XPO5: variants seen among roughly 807,000 people sequenced by gnomAD.
XPO5 encodes the protein exportin-5.
XPO5 carries 46 observed loss-of-function variants against 160.6 expected under a neutral mutation model. The observed-to-expected ratio is 0.29, with a 90% CI of 0.23 to 0.37. The LOEUF is 0.37. XPO5 is among the 10% of genes least tolerant of loss of function. The pLI, the probability that XPO5 is intolerant of heterozygous loss-of-function variation, is 1.00. For missense variants in XPO5, 1,090 were observed against 1,463.9 expected (o/e 0.74, Z 4.17); for synonymous variants, 537 against 519.3 (o/e 1.03, Z -0.46).
intron 20 of XPO5, among the ~76,000 whole-genome samples, chr6:43,545,112 AT>A (rs1794900073): frequency 6.6e-6 from 1 of 151,832 alleles, no homozygotes; most frequent in Admixed American, 6.6e-5. Context: ...ACCTCAAGTG[AT>A]TGACCCACCT....
intron 1 of XPO5, among the ~76,000 whole-genome samples, chr6:43,574,291 G>T (rs1040316574): frequency 3.3e-5 from 5 of 151,984 alleles, no homozygotes; most frequent in Admixed American, 3.3e-4. Context: ...CAACCAGAGT[G>T]AGACCCTACT....
chr6:43,529,103 T>C lies in XPO5; in HGVS notation c.2678-178A>G. The C allele has an allele frequency of 4.7e-6, 5 of 1,053,396 alleles. No homozygotes were observed. In the South Asian group the frequency reaches 7.1e-5, roughly 15 times the overall value. The allele number at this position is 1,053,396 out of a possible 1,614,324, so 65.3% of individuals were successfully genotyped here. A position where few individuals can be genotyped will look rare whatever the true frequency, so the allele number is the denominator to read the frequency against. ...TTCCTAAAATCCTAAATGGCACTGA[T>C]ATTGAATTCCATTATACTCTTAGTT... is the stretch of plus-strand genomic sequence containing the variant. On this transcript the variant is annotated intron_variant, in intron 23 of 31. Coordinates refer to ENST00000265351, the MANE Select transcript of XPO5 (RefSeq NM_020750.3).
Position 43,523,881 on chromosome 6 carries a change from A to G in XPO5, c.3602T>C (p.Ile1201Thr). ...LDNDGGGLAT[I>T]FEP is the part of the protein sequence containing the mutation. Reference sequence around the variant, plus strand: ...CAAAAGCTTGATTCAGGGTTCAAAGATGGTGGCCAGGCCACCCCCATCATT... The same window carrying G: ...CAAAAGCTTGATTCAGGGTTCAAAGGTGGTGGCCAGGCCACCCCCATCATT... The change falls in exon 32 of 32, where the codon ATC becomes ACC. Residue 1201 changes from isoleucine (I) to threonine (T), a missense_variant. Physicochemically the swap from Ile to Thr is moderately conservative, Grantham distance 89. Around this residue, in one of 3 missense-constraint regions of XPO5, gnomAD observed 810 missense variants for 1,139.0 expected, o/e 0.71. Transcript: ENST00000265351. 3 of 1,613,990 alleles carry G rather than the reference A, an allele frequency of 1.9e-6. No homozygotes were observed. Among genetic ancestry groups the G allele is most frequent in the Admixed American group, 1.7e-5 (1 of 60,018 alleles).
Position 43,568,758 on chromosome 6 carries a change from C to T in XPO5, c.622-21G>A, listed in dbSNP as rs375372744. 8 of 1,566,578 alleles carry T rather than the reference C, an allele frequency of 5.1e-6. No homozygotes were observed. The African/African-American group carries it at 9.6e-5, about 19-fold the overall frequency. On this transcript the variant is annotated intron_variant, in intron 5 of 31. Coordinates refer to ENST00000265351, the MANE Select transcript of XPO5 (RefSeq NM_020750.3). ...GTCTTCTGAAAGGAAGTATAAAGAT[C>T]CAGTGTTTTTAATGAGCAAAAGGCC...
At chr6:43,568,910 G>A (rs1762843503) in intron 5 of XPO5, among the ~76,000 whole-genome samples, 173 bp from the exon 6 acceptor site, 1 of 152,178 alleles carries the variant, frequency 6.6e-6, no homozygotes, top group Non-Finnish European at 1.5e-5. Flanking sequence ...CCCCTAGGGA[G>A]AACAAGTAAA....
Position 43,575,920 on chromosome 6 carries a change from C to CGACA in XPO5, c.-60_-57dup. On this transcript the variant is annotated 5_prime_UTR_variant, in exon 1 of 32. Transcript: ENST00000265351. ...ACTGCAGTCCCGGGACCACGAGGCA[C>CGACA]GACAGCTCCCTCGGCGAGACCACCC... 1 of 1,553,760 alleles carries CGACA rather than the reference C, an allele frequency of 6.4e-7. No homozygotes were observed. The highest frequency in any genetic ancestry group is 2.4e-5 in the East Asian group (1 of 42,014).
intron 23 of XPO5, among the ~76,000 whole-genome samples, chr6:43,530,139 C>T (rs1793872968): frequency 6.6e-6 from 1 of 152,096 alleles, no homozygotes; most frequent in African/African-American, 2.4e-5. Flanking sequence ...CGCCTGTAAT[C>T]CCAGCTACTT....
In XPO5 at chr6:43,562,355, T is replaced by C. The variant is rs774706093; in HGVS notation, c.912-9A>G. 2.6e-4 allele frequency: 418 copies of C among 1,590,274 alleles called. 2 individuals carry two copies. Among genetic ancestry groups the C allele is most frequent in the South Asian group, 5.7e-5 (5 of 87,732 alleles). ...CTCCTCCATCAGCAGTCCTGTAAGA[T>C]GAGAATTCCTTATATCACCAACAAA... is the stretch of plus-strand genomic sequence containing the variant. On this transcript the variant is annotated splice_polypyrimidine_tract_variant and intron_variant, in intron 8 of 31. Coordinates refer to ENST00000265351, the MANE Select transcript of XPO5 (RefSeq NM_020750.3).
chr6:43,554,819 A>G (rs1342429476), intron 13 of XPO5: 1 of 152,184 alleles, frequency 6.6e-6, no homozygotes, highest in African/African-American at 2.4e-5. Flanking sequence ...CAACCTTTCA[A>G]GTTACCAAAT....
At chr6:43,565,568 T>TA (rs11362688) in intron 8 of XPO5, 92 bp downstream of exon 8, 16,525 of 979,146 alleles carry the variant, frequency 0.017, no homozygotes, top group East Asian at 0.033. Flanking sequence ...CATCTCAAAA[T>TA]AAAAAAAAAA....
rs142522124 is a variant in XPO5, at chr6:43,530,075, C to T, written c.2677+613G>A. On this transcript the variant is annotated intron_variant, in intron 23 of 31. Coordinates refer to ENST00000265351, the MANE Select transcript of XPO5 (RefSeq NM_020750.3). The stretch of plus-strand genomic sequence containing the variant: ...TTTGAGACCAGCCTGGCCAACATGG[C>T]GAAAACCTGTCTCTACTAAAAATAC... Among the ~76,000 whole-genome samples, 768 of 151,924 alleles carry T rather than the reference C, an allele frequency of 5.1e-3. 8 individuals carry two copies. The highest frequency in any genetic ancestry group is 0.018 in the African/African-American group (727 of 41,418).
At chr6:43,541,995 G>A (rs1319171397) in intron 20 of XPO5, among the ~76,000 whole-genome samples, 1 of 152,002 alleles carries the variant, frequency 6.6e-6, no homozygotes, top group African/African-American at 2.4e-5. Context: ...GGCCACACTG[G>A]TCTTGAACTC....
At chr6:43,525,474 T>A in intron 28 of XPO5, 1 of 510,528 alleles carries the variant, frequency 2.0e-6, no homozygotes, top group East Asian at 3.3e-5. Context: ...GCAGGAAAAA[T>A]AAAAGGAGTT....
At chr6:43,551,191 G>A in intron 15 of XPO5, 107 bp downstream of exon 15, 1 of 1,226,414 alleles carries the variant, frequency 8.2e-7, no homozygotes, top group South Asian at 2.0e-5. Flanking sequence ...AGTAATTTGA[G>A]TCCAGCCTGG....
chr6:43,570,533 A>C lies in XPO5; in HGVS notation c.590T>G (p.Leu197Arg). Residue 197 changes from leucine (L) to arginine (R), a missense_variant, in exon 5 of 32, where the codon CTT becomes CGT. By Grantham distance (102) the Leu-to-Arg change is moderately radical. Around this residue, in one of 3 missense-constraint regions of XPO5, gnomAD observed 110 missense variants for 97.9 expected, o/e 1.12. Coordinates refer to ENST00000265351, the MANE Select transcript of XPO5 (RefSeq NM_020750.3). ...CTGATACTTGTTTACATTTTCTTGAAGTGTGTTAAGCAGAAAACTGAAGAT... is the reference window on the plus strand; with the variant it reads ...CTGATACTTGTTTACATTTTCTTGACGTGTGTTAAGCAGAAAACTGAAGAT... ...ERIFSFLLNT[L>R]QENVNKYQQV... 1 of 1,613,460 alleles carries C rather than the reference A, an allele frequency of 6.2e-7. No individual in the cohort carries two copies. The highest frequency in any genetic ancestry group is 8.5e-7 in the Non-Finnish European group (1 of 1,179,754).
Position 43,546,807 on chromosome 6 carries a change from C to G in XPO5, c.2161-55G>C, listed in dbSNP as rs1264988351. On this transcript the variant is annotated intron_variant, in intron 19 of 31. Transcript: ENST00000265351. Reference sequence around the variant, plus strand: ...ATTAAAAGGAAAAAAAAAAAAAGACCAAATACTGTTAGATATATTCAAGGT... The same window carrying G: ...ATTAAAAGGAAAAAAAAAAAAAGACGAAATACTGTTAGATATATTCAAGGT... 15 of 1,382,360 alleles carry G rather than the reference C, an allele frequency of 1.1e-5. No individual in the cohort carries two copies. The African/African-American group carries it at 1.8e-4, about 16-fold the overall frequency. 85.6% of individuals were successfully genotyped at this position (1,382,360 alleles called of 1,614,324 possible).
At position 43,567,374 on chromosome 6, in the gene XPO5, T is replaced by G; in HGVS notation, c.649-20A>C. The G allele has an allele frequency of 6.3e-7, 1 of 1,585,928 alleles. No individual in the cohort carries two copies. The highest frequency in any genetic ancestry group is 8.6e-7 in the Non-Finnish European group (1 of 1,167,630). ...TTGCGCCTACCAGAAAAGAAGTAACTTTGGACCATGAAGTCCTCGGTAACA... is the reference window on the plus strand; with the variant it reads ...TTGCGCCTACCAGAAAAGAAGTAACGTTGGACCATGAAGTCCTCGGTAACA... On this transcript the variant is annotated intron_variant, in intron 6 of 31. Coordinates refer to ENST00000265351, the MANE Select transcript of XPO5 (RefSeq NM_020750.3).
At chr6:43,563,634 T>C (rs147965510) in intron 8 of XPO5, among the ~76,000 whole-genome samples, 1 of 152,342 alleles carries the variant, frequency 6.6e-6, no homozygotes, top group East Asian at 1.9e-4. Flanking sequence ...TAGCATAGCC[T>C]ATTGCTCCTA....
chr6:43,525,880 C>A lies in XPO5; in HGVS notation c.3025G>T (p.Ala1009Ser), dbSNP rs375580814. 30 of 1,613,930 alleles carry A rather than the reference C, an allele frequency of 1.9e-5. No homozygotes were observed. Among genetic ancestry groups the A allele is most frequent in the African/African-American group, 2.7e-5 (2 of 74,932 alleles). The change falls in exon 28 of 32, where the codon GCA becomes TCA. Residue 1009 changes from alanine (A) to serine (S), a missense_variant. Ala to Ser is a moderately conservative substitution (Grantham distance 99). Transcript: ENST00000265351. ...CATTTGCCCAGGTCTGTAAGCTCTGCCATAGCTGAGGGGGTGACCTCTGTG... is the reference window on the plus strand; with the variant it reads ...CATTTGCCCAGGTCTGTAAGCTCTGACATAGCTGAGGGGGTGACCTCTGTG... ...MATEVTPSAM[A>S]ELTDLGKCLM...
Sources: gnomAD v4.1 joint callset for allele counts (sites outside exome capture counted in the v4.1 genomes callset) on GRCh38, gnomAD v4.1.1 for gene constraint, gnomAD v4.1.1 regional missense constraint, MANE v1.5 for transcripts, NCBI Gene and HGNC (gene_info 2026-07-23, HGNC 2026-07-21) for gene names.